PCDH9: variants seen among roughly 807,000 people sequenced by gnomAD.
PCDH9 encodes the protein protocadherin-9.
In PCDH9, 24 loss-of-function variants were observed where a neutral mutation model predicts 70.6. That is an observed-to-expected ratio of 0.34 (90% CI 0.25 to 0.48). PCDH9 has a LOEUF of 0.48. Ranked by LOEUF, PCDH9 falls within the 20% of genes least tolerant of loss-of-function variation. PCDH9 has a pLI of 0.99. For missense variants in PCDH9, 1,281 were observed against 1,503.6 expected (o/e 0.85, Z 2.45); for synonymous variants, 562 against 558.5 (o/e 1.01, Z -0.09).
At chr13:66,538,709 T>C (rs1448338220) in intron 4 of PCDH9, among the ~76,000 whole-genome samples, 2 of 151,948 alleles carry the variant, frequency 1.3e-5, no homozygotes, top group African/African-American at 4.8e-5. Flanking sequence ...ACCTAAAATC[T>C]ACTAATTGAA....
chr13:67,033,653 C>G (rs1181925428), intron 2 of PCDH9, among the ~76,000 whole-genome samples: 1 of 152,118 alleles, frequency 6.6e-6, no homozygotes, highest in African/African-American at 2.4e-5. Flanking sequence ...AAAGGCTACT[C>G]CTCACAAATG....
intron 2 of PCDH9, among the ~76,000 whole-genome samples, chr13:67,181,123 A>G (rs1050251943): frequency 6.6e-6 from 1 of 152,182 alleles, no homozygotes; most frequent in Non-Finnish European, 1.5e-5. Flanking sequence ...GGTCCTCTAT[A>G]AAAGGCATTA....
chr13:66,662,725 G>C (rs1169671864), intron 3 of PCDH9, among the ~76,000 whole-genome samples: 2 of 152,140 alleles, frequency 1.3e-5, no homozygotes, highest in Non-Finnish European at 2.9e-5. Context: ...TAGGGTTCTG[G>C]TCTGTTTTAT....
chr13:66,336,431 C>T (rs976655094), intron 4 of PCDH9, among the ~76,000 whole-genome samples: 1 of 151,994 alleles, frequency 6.6e-6, no homozygotes, highest in East Asian at 1.9e-4. Flanking sequence ...GAGATGATGT[C>T]ACCCTCTAAA....
At chr13:66,895,053 C>T (rs1361900367) in intron 3 of PCDH9, among the ~76,000 whole-genome samples, 1 of 152,114 alleles carries the variant, frequency 6.6e-6, no homozygotes, top group Admixed American at 6.6e-5. Flanking sequence ...AGTGATCTGC[C>T]CGCCTTGGCC....
At chr13:66,771,473 A>G (rs548687112) in intron 3 of PCDH9, among the ~76,000 whole-genome samples, 1 of 152,266 alleles carries the variant, frequency 6.6e-6, no homozygotes, top group South Asian at 2.1e-4. Flanking sequence ...ACATTTGACA[A>G]GAGAGGCAGA....
chr13:66,723,809 T>A (rs1285345161), intron 3 of PCDH9, among the ~76,000 whole-genome samples: 1 of 152,196 alleles, frequency 6.6e-6, no homozygotes, highest in Admixed American at 6.5e-5. Context: ...AATGAAAAGC[T>A]GTAGCACTGG....
intron 3 of PCDH9, among the ~76,000 whole-genome samples, chr13:66,896,585 C>G (rs2082183297): frequency 6.6e-6 from 1 of 152,002 alleles, no homozygotes; most frequent in South Asian, 2.1e-4. Context: ...TCTATTTGTA[C>G]AAATGTATCT....
intron 4 of PCDH9, among the ~76,000 whole-genome samples, chr13:66,611,626 G>C (rs1319512417): frequency 1.3e-5 from 2 of 152,088 alleles, no homozygotes; most frequent in African/African-American, 4.8e-5. Flanking sequence ...GTTAAGATTA[G>C]CTTGATGATT....
chr13:66,737,449 T>C lies in PCDH9; in HGVS notation c.3139-106038A>G, dbSNP rs927813515. The stretch of plus-strand genomic sequence containing the variant: ...ACATGAGTTGGCAGTCTATTTACTT[T>C]TGTTGAATTAATGTAAATTAAAATT... On this transcript the variant is annotated intron_variant, in intron 3 of 4. Coordinates refer to ENST00000377865, the MANE Select transcript of PCDH9 (RefSeq NM_203487.3). Among the ~76,000 whole-genome samples the C allele has an allele frequency of 3.3e-5, 5 of 152,308 alleles. No individual in the cohort carries two copies. The East Asian group carries it at 9.7e-4, about 30-fold the overall frequency.
intron 4 of PCDH9, among the ~76,000 whole-genome samples, chr13:66,445,865 A>AT (rs984516125): frequency 6.7e-6 from 1 of 149,692 alleles, no homozygotes; most frequent in Non-Finnish European, 1.5e-5. Context: ...TAAAGAAAAA[A>AT]ATATATATCT....
At chr13:66,413,007 C>G (rs1957397075) in intron 4 of PCDH9, among the ~76,000 whole-genome samples, 4 of 152,160 alleles carry the variant, frequency 2.6e-5, no homozygotes, top group Admixed American at 2.6e-4. Context: ...ATTAACAAGC[C>G]TTGTTACTGT....
At chr13:67,089,860 C>T (rs2086182794) in intron 2 of PCDH9, among the ~76,000 whole-genome samples, 1 of 151,930 alleles carries the variant, frequency 6.6e-6, no homozygotes, top group African/African-American at 2.4e-5. Flanking sequence ...TTTCTTTACC[C>T]TTCTTGTTTC....
intron 2 of PCDH9, among the ~76,000 whole-genome samples, chr13:67,042,841 AC>A (rs2085148813): frequency 6.6e-6 from 1 of 152,146 alleles, no homozygotes. Flanking sequence ...CACTATGAGA[AC>A]CCTGTAGAGA....
At chr13:66,962,117 A>C (rs1316112615) in intron 2 of PCDH9, among the ~76,000 whole-genome samples, 2 of 152,204 alleles carry the variant, frequency 1.3e-5, no homozygotes, top group Admixed American at 6.5e-5. Context: ...TGGCTAATAA[A>C]AATTGTAAAA....
rs1451881503 is a variant in PCDH9, at chr13:66,520,511, C to G, written c.3340+110699G>C. ...TTCAGGTTCAAAGCCACATGAAAAC[C>G]TGTGATGCAAAGCAATCTCCCTGGG... On this transcript the variant is annotated intron_variant, in intron 4 of 4. Coordinates refer to ENST00000377865, the MANE Select transcript of PCDH9 (RefSeq NM_203487.3). 5.3e-5 allele frequency among the ~76,000 whole-genome samples: 8 copies of G among 152,176 alleles called. No individual in the cohort carries two copies. The East Asian group carries it at 1.5e-3, about 29-fold the overall frequency.
intron 4 of PCDH9, among the ~76,000 whole-genome samples, chr13:66,623,082 C>T (rs996726605): frequency 5.9e-5 from 9 of 152,348 alleles, no homozygotes; most frequent in Non-Finnish European, 2.9e-5. Flanking sequence ...CACATCCGAA[C>T]ATCAGAAAGA....
At chr13:66,656,783 T>A (rs1378896277) in intron 3 of PCDH9, among the ~76,000 whole-genome samples, 2 of 152,176 alleles carry the variant, frequency 1.3e-5, no homozygotes, top group African/African-American at 4.8e-5. Flanking sequence ...AGTTTGAAAT[T>A]TTTTTATGAT....
chr13:66,428,218 A>G (rs915499946), intron 4 of PCDH9, among the ~76,000 whole-genome samples: 1 of 151,778 alleles, frequency 6.6e-6, no homozygotes, highest in African/African-American at 2.4e-5. Flanking sequence ...TTAGTTCTAC[A>G]TAACCAAATG....
Sources: gnomAD v4.1 joint callset for allele counts (sites outside exome capture counted in the v4.1 genomes callset) on GRCh38, gnomAD v4.1.1 for gene constraint, MANE v1.5 for transcripts, NCBI Gene and HGNC (gene_info 2026-07-23, HGNC 2026-07-21) for gene names.